TBCD: variants seen among roughly 807,000 people sequenced by gnomAD.
TBCD encodes the protein tubulin-specific chaperone D.
A neutral mutation model predicts 169.3 loss-of-function variants in TBCD; 105 were observed. That is an observed-to-expected ratio of 0.62 (90% confidence interval 0.53 to 0.73). The LOEUF (loss-of-function observed/expected upper bound fraction) is 0.73. TBCD is among the 30% of genes least tolerant of loss of function. The pLI is 0.00. For synonymous variants in TBCD, 700 were observed against 643.9 expected, an observed-to-expected ratio of 1.09 and a Z score of -1.32; for missense variants, 1,444 against 1,600.1, an observed-to-expected ratio of 0.90 and a Z score of 1.66.
intron 14 of TBCD, among the ~76,000 whole-genome samples, chr17:82,871,689 G>C (rs535942205): frequency 6.6e-6 from 1 of 152,340 alleles, no homozygotes; most frequent in African/African-American, 2.4e-5. Context: ...GATGCCCCTG[G>C]TGGCAGGCTC....
At chr17:82,830,497 CCG>C (rs907159137) in intron 13 of TBCD, 3 of 1,613,486 alleles carry the variant, frequency 1.9e-6, no homozygotes, top group Non-Finnish European at 2.5e-6. Flanking sequence ...GGCCCCGTCA[CCG>C]TCGAGGCTGC....
chr17:82,763,841 A>G lies in TBCD; in HGVS notation c.236-124A>G, dbSNP rs1424141495. On this transcript the variant is annotated intron_variant, in intron 2 of 38. Coordinates refer to ENST00000355528, the MANE Select transcript of TBCD (RefSeq NM_005993.5). Reference sequence around the variant, plus strand: ...TGCCGCCTTGAAATTCTGGCTTCAAATGATCCTCCCACCTTGGTCTCCCAA... The same window carrying G: ...TGCCGCCTTGAAATTCTGGCTTCAAGTGATCCTCCCACCTTGGTCTCCCAA... 7 of 754,910 alleles carry G rather than the reference A, an allele frequency of 9.3e-6. No homozygotes were observed. In the East Asian group the frequency reaches 1.1e-4, roughly 12 times the overall value. The allele number at this position is 754,910 out of a possible 1,614,324, so 46.8% of individuals were successfully genotyped here.
At chr17:82,897,219 TA>T (rs1446227067) in intron 17 of TBCD, among the ~76,000 whole-genome samples, 1 of 151,744 alleles carries the variant, frequency 6.6e-6, no homozygotes, top group African/African-American at 2.4e-5. Flanking sequence ...AAAGCCTTTT[TA>T]AAAAAAAATC....
At chr17:82,771,016 C>CT (rs1412435137) in intron 5 of TBCD, among the ~76,000 whole-genome samples, 1 of 131,406 alleles carries the variant, frequency 7.6e-6, no homozygotes, top group Non-Finnish European at 1.5e-5. Context: ...CCACTGCACT[C>CT]TAGCCTGGGC....
chr17:82,791,075 A>T (rs1213708260), intron 7 of TBCD, among the ~76,000 whole-genome samples: 2 of 144,212 alleles, frequency 1.4e-5, no homozygotes, highest in Non-Finnish European at 3.0e-5. Context: ...TGTGGCAGGA[A>T]TTGTGTCTCT....
intron 7 of TBCD, chr17:82,795,646 C>T (rs2050046831): frequency 3.9e-5 from 37 of 960,480 alleles, no homozygotes; most frequent in Non-Finnish European, 4.6e-5. Flanking sequence ...TGTGGAACAA[C>T]GTACTCCACA....
chr17:82,936,735 C>T (rs572602216), intron 34 of TBCD, among the ~76,000 whole-genome samples: 1 of 152,320 alleles, frequency 6.6e-6, no homozygotes, highest in East Asian at 1.9e-4. Context: ...GCACCTTCTC[C>T]TCCCTGGAGT....
At chr17:82,804,652 A>G (rs2050818673) in intron 9 of TBCD, among the ~76,000 whole-genome samples, 1 of 152,190 alleles carries the variant, frequency 6.6e-6, no homozygotes, top group Non-Finnish European at 1.5e-5. Context: ...TCCGCAGGGC[A>G]GTGCACAGCA....
At chr17:82,940,235 A>ACACT (rs1568109738) in intron 37 of TBCD, among the ~76,000 whole-genome samples, 7 of 151,636 alleles carry the variant, frequency 4.6e-5, no homozygotes, top group Admixed American at 2.6e-4. Flanking sequence ...ACACACACAC[A>ACACT]CACACACACA....
chr17:82,759,536 G>C (rs1436389933), intron 2 of TBCD, among the ~76,000 whole-genome samples: 1 of 152,090 alleles, frequency 6.6e-6, no homozygotes, highest in South Asian at 2.1e-4. Context: ...GTGTTCCTCA[G>C]GCTGGTCTCG....
At chr17:82,878,060 G>A (rs2058087430) in intron 14 of TBCD, among the ~76,000 whole-genome samples, 1 of 152,196 alleles carries the variant, frequency 6.6e-6, no homozygotes, top group African/African-American at 2.4e-5. Context: ...CAAAACCAGT[G>A]GAGTTCTTCT....
At chr17:82,794,315 A>AGGTGG (rs1178832504) in intron 7 of TBCD, among the ~76,000 whole-genome samples, 1 of 152,136 alleles carries the variant, frequency 6.6e-6, no homozygotes, top group Non-Finnish European at 1.5e-5. Flanking sequence ...AGCCATCGAA[A>AGGTGG]GGTGGGGCGG....
At chr17:82,800,399 C>T (rs2050422167) in intron 8 of TBCD, among the ~76,000 whole-genome samples, 1 of 152,156 alleles carries the variant, frequency 6.6e-6, no homozygotes, top group African/African-American at 2.4e-5. Flanking sequence ...ACAGAGCAAG[C>T]CACAGGAACC....
In TBCD at chr17:82,932,737, T is replaced by C; in HGVS notation, c.3191+2T>C. Reference sequence around the variant, plus strand: ...CGACATCTTCACCACGGAGGAGGAGTGAGGCTCTGCTTTTCATGACTTCCT... The same window carrying C: ...CGACATCTTCACCACGGAGGAGGAGCGAGGCTCTGCTTTTCATGACTTCCT... On this transcript the variant is annotated splice_donor_variant, in intron 34 of 38. Transcript: ENST00000355528. LOFTEE classifies it high-confidence loss of function. 6.2e-7 allele frequency: 1 copy of C among 1,613,530 alleles called. No homozygotes were observed. Among genetic ancestry groups the C allele is most frequent in the South Asian group, 1.1e-5 (1 of 91,014 alleles).
At chr17:82,809,401 G>A (rs965981579) in intron 11 of TBCD, among the ~76,000 whole-genome samples, 2 of 152,142 alleles carry the variant, frequency 1.3e-5, no homozygotes, top group Admixed American at 6.5e-5. Flanking sequence ...CTCAGCGTTC[G>A]CCTGCTGCCT....
chr17:82,832,700 G>A lies in TBCD; in HGVS notation c.1318+17766G>A, dbSNP rs555116677. On this transcript the variant is annotated intron_variant, in intron 13 of 38. Transcript: ENST00000355528. This position sits in a 1 kb window ranked among gnomAD's most constrained non-coding sequence, Gnocchi z 4.9. Reference sequence around the variant, plus strand: ...GAGGGGTCGGCGAGAAGCCGGCCTCGGCTCGCCACAGTGCCACAGGATCCC... The same window carrying A: ...GAGGGGTCGGCGAGAAGCCGGCCTCAGCTCGCCACAGTGCCACAGGATCCC... The A allele has an allele frequency of 3.3e-4, 185 of 553,832 alleles. No individual in the cohort carries two copies. The highest frequency in any genetic ancestry group is 3.2e-3 in the African/African-American group (171 of 53,004). 34.3% of individuals were successfully genotyped at this position (553,832 alleles called of 1,614,324 possible).
intron 13 of TBCD, among the ~76,000 whole-genome samples, chr17:82,821,342 C>T (rs1464172090): frequency 2.2e-5 from 1 of 46,318 alleles, no homozygotes; most frequent in South Asian, 8.6e-4. Flanking sequence ...GATCTGTGAG[C>T]ATATTTTTGT....
chr17:82,753,931 G>T (rs1486454001), intron 1 of TBCD, among the ~76,000 whole-genome samples: 1 of 145,400 alleles, frequency 6.9e-6, no homozygotes, highest in Non-Finnish European at 1.5e-5. Flanking sequence ...GCAGTGATGA[G>T]ATCTCAGCTC....
intron 19 of TBCD, among the ~76,000 whole-genome samples, chr17:82,904,251 A>G (rs944217915): frequency 1.4e-5 from 2 of 144,830 alleles, no homozygotes; most frequent in Non-Finnish European, 3.0e-5. Context: ...CACCTGCCAC[A>G]TGACACTCCT....
Sources: allele counts gnomAD v4.1 joint callset (sites outside exome capture counted in the v4.1 genomes callset), GRCh38; gene constraint gnomAD v4.1.1; non-coding constraint Gnocchi (gnomAD v3.1); transcripts MANE v1.5; gene names NCBI Gene and HGNC (gene_info 2026-07-23, HGNC 2026-07-21).